The following TTLL7 variants were observed in gnomAD, a reference collection of about 807,000 sequenced individuals.
The protein encoded by TTLL7 is tubulin tyrosine ligase like 7.
A neutral mutation model predicts 120.2 loss-of-function variants in TTLL7; 53 were observed. That is an observed-to-expected ratio of 0.44 (90% confidence interval 0.35 to 0.55). The LOEUF (loss-of-function observed/expected upper bound fraction) is 0.55, where lower values mean the gene tolerates loss of function less well. Among genes scored for constraint, TTLL7 ranks in the 20% least tolerant of loss-of-function variants. The probability of loss-of-function intolerance (pLI) is 0.00; values close to 1 mark genes in which losing one functional copy is unlikely to be tolerated. For missense variants in TTLL7, 803 were observed against 1,054.7 expected (o/e 0.76, Z 3.31); for synonymous variants, 353 against 351.7 (o/e 1.00, Z -0.04).
chr1:83,933,147 C>T (rs930091412), intron 9 of TTLL7, among the ~76,000 whole-genome samples: 1 of 152,066 alleles, frequency 6.6e-6, no homozygotes, highest in East Asian at 1.9e-4. Flanking sequence ...GAGAAATTTA[C>T]CACCTGGGGT....
In TTLL7 at chr1:83,904,109, G is replaced by A. The variant is rs1355109009; in HGVS notation, c.2178C>T (p.Leu726=). Residue 726 remains leucine, a synonymous_variant, in exon 18 of 21, where the codon CTC becomes CTT. Coordinates refer to ENST00000260505, the MANE Select transcript of TTLL7 (RefSeq NM_024686.6). ...GTTGTTTTACAGAGTCCAATTTTAT[G>A]AGCCAATATGAAGCCACTTTGGTTT... ...YHKTKVASYW[L]IKLDSVKQRK... 5 of 1,612,080 alleles carry A rather than the reference G, an allele frequency of 3.1e-6. No homozygotes were observed. The highest frequency in any genetic ancestry group is 4.2e-6 in the Non-Finnish European group (5 of 1,178,940).
intron 19 of TTLL7, among the ~76,000 whole-genome samples, chr1:83,889,697 T>TA (rs1469609345): frequency 2.0e-5 from 3 of 152,046 alleles, no homozygotes; most frequent in Non-Finnish European, 4.4e-5. Context: ...CCTCCAAAAA[T>TA]ATTAGCACAA....
intron 8 of TTLL7, among the ~76,000 whole-genome samples, chr1:83,935,325 C>T (rs1387935614): frequency 2.0e-5 from 3 of 151,878 alleles, no homozygotes; most frequent in African/African-American, 7.3e-5. Flanking sequence ...ATCAACAGAC[C>T]CTGAATTACA....
intron 1 of TTLL7, among the ~76,000 whole-genome samples, chr1:83,976,918 T>A (rs574834954): frequency 7.9e-5 from 12 of 152,102 alleles, no homozygotes; most frequent in Non-Finnish European, 1.6e-4. Flanking sequence ...CAACCACTGA[T>A]TCTCTCTTAA....
intron 18 of TTLL7, among the ~76,000 whole-genome samples, chr1:83,893,515 G>A (rs1188189650): frequency 1.4e-5 from 2 of 144,744 alleles, no homozygotes; most frequent in African/African-American, 5.2e-5. Flanking sequence ...AAGATGAAAA[G>A]GGAAAAAGAC....
chr1:83,917,529 C>T, intron 14 of TTLL7, 75 bp downstream of exon 14: 1 of 1,105,730 alleles, frequency 9.0e-7, no homozygotes, highest in Non-Finnish European at 1.3e-6. Flanking sequence ...CAGCACCAGT[C>T]TTTCTTATAG....
intron 1 of TTLL7, among the ~76,000 whole-genome samples, chr1:83,994,285 T>C (rs1653281440): frequency 1.3e-5 from 2 of 152,216 alleles, no homozygotes; most frequent in Admixed American, 1.3e-4. Context: ...GGCACATTCA[T>C]CTGCCTTGGC....
intron 4 of TTLL7, 198 bp downstream of exon 4, chr1:83,949,667 G>C: frequency 1.8e-6 from 1 of 542,526 alleles, no homozygotes; most frequent in Non-Finnish European, 3.1e-6. Flanking sequence ...AAGATAGAAA[G>C]AGGTTAAAAC....
At position 83,952,085 on chromosome 1, in the gene TTLL7, C is replaced by G. The variant is rs184960828; in HGVS notation, c.25+102G>C. On this transcript the variant is annotated intron_variant, in intron 2 of 20. Coordinates refer to ENST00000260505, the MANE Select transcript of TTLL7 (RefSeq NM_024686.6). ...CAAGGTAAAATTACAAATCCTGGTA[C>G]TTTAAAAAGTCCCCAATTAATTTTT... 7.5e-4 allele frequency: 1,100 copies of G among 1,459,600 alleles called. 24 individuals carry two copies. The Admixed American group carries it at 0.016, about 21-fold the overall frequency. The allele number at this position is 1,459,600 out of a possible 1,614,324, so 90.4% of individuals were successfully genotyped here. A position where few individuals can be genotyped will look rare whatever the true frequency, so the allele number is the denominator to read the frequency against.
At chr1:83,983,534 C>A (rs1652168160) in intron 1 of TTLL7, among the ~76,000 whole-genome samples, 1 of 152,078 alleles carries the variant, frequency 6.6e-6, no homozygotes, top group Admixed American at 6.5e-5. Context: ...CTAGGAAATA[C>A]CCTTCCTAGC....
At chr1:83,949,315 GT>G (rs755429825) in intron 4 of TTLL7, 26 of 138,846 alleles carry the variant, frequency 1.9e-4, no homozygotes, top group East Asian at 6.1e-4. Context: ...TTTTTGTTTT[GT>G]TTTTTTTTTT....
chr1:83,866,781 T>C lies in TTLL7; in HGVS notation c.*3181A>G, dbSNP rs961974305. On this transcript the variant is annotated 3_prime_UTR_variant, in exon 21 of 21. Transcript: ENST00000260505. ...GTTGCTAGTAAAATTAATCAAAATATGAATAACAATAGTTTCTTCAATAGA... is the reference window on the plus strand; with the variant it reads ...GTTGCTAGTAAAATTAATCAAAATACGAATAACAATAGTTTCTTCAATAGA... 1.3e-5 allele frequency: 2 copies of C among 152,084 alleles called. No homozygotes were observed. Among genetic ancestry groups the C allele is most frequent in the Admixed American group, 1.3e-4 (2 of 15,264 alleles). The allele number at this position is 152,084 out of a possible 1,614,324, so 9.4% of individuals were successfully genotyped here.
At chr1:83,885,579 T>C (rs1248905789) in intron 19 of TTLL7, among the ~76,000 whole-genome samples, 1 of 152,050 alleles carries the variant, frequency 6.6e-6, no homozygotes, top group Non-Finnish European at 1.5e-5. Flanking sequence ...TATTTACCAC[T>C]ACTAGCCAAG....
intron 7 of TTLL7, among the ~76,000 whole-genome samples, chr1:83,938,806 T>C (rs1443731154): frequency 6.6e-6 from 1 of 152,226 alleles, no homozygotes; most frequent in Non-Finnish European, 1.5e-5. Flanking sequence ...CTATCTTTAA[T>C]TCCTACCCTC....
At chr1:83,907,395 A>T (rs1657281639) in intron 16 of TTLL7, 61 bp downstream of exon 16, 3 of 1,451,368 alleles carry the variant, frequency 2.1e-6, no homozygotes, top group Non-Finnish European at 2.9e-6. Flanking sequence ...CTCTCATCTG[A>T]TCCCCTTTGC....
chr1:83,992,451 AAC>A (rs1291880600), intron 1 of TTLL7, among the ~76,000 whole-genome samples: 10 of 152,256 alleles, frequency 6.6e-5, no homozygotes, highest in South Asian at 6.2e-4. Flanking sequence ...AGAAAAAAAA[AAC>A]AAAAGGACTA....
intron 18 of TTLL7, among the ~76,000 whole-genome samples, chr1:83,892,247 T>TAC (rs1491316177): frequency 6.5e-5 from 9 of 138,170 alleles, no homozygotes; most frequent in African/African-American, 2.5e-4. Context: ...TGAATATATA[T>TAC]GTATATATGA....
intron 1 of TTLL7, among the ~76,000 whole-genome samples, chr1:83,992,350 G>A (rs1355533590): frequency 1.3e-5 from 2 of 151,854 alleles, no homozygotes; most frequent in Non-Finnish European, 2.9e-5. Flanking sequence ...AACTAAGGGG[G>A]AAGCTGATGT....
rs1011582586 is a variant in TTLL7 at position 83,883,020 on chromosome 1, T to C, written c.2486A>G (p.Tyr829Cys). 3 of 1,612,828 alleles carry C rather than the reference T, an allele frequency of 1.9e-6. No individual in the cohort carries two copies. The highest frequency in any genetic ancestry group is 2.7e-5 in the African/African-American group (2 of 74,914). The change falls in exon 20 of 21, where the codon TAT (tyrosine) becomes TGT (cysteine). Residue 829 changes from tyrosine (Y) to cysteine (C), a missense_variant. This residue lies in a region of TTLL7 where 388 missense variants were observed against 450.4 expected (regional missense o/e 0.86). Transcript: ENST00000260505. ...AAGTGATCCTCTTTTGTCAGTTGCATATTTGTAAACCACTAGCAGGCACTG... is the reference window on the plus strand; with the variant it reads ...AAGTGATCCTCTTTTGTCAGTTGCACATTTGTAAACCACTAGCAGGCACTG... ...CKQCLLVVYK[Y>C]ATDKRGSLSG...
Sources: gnomAD v4.1 joint callset for allele counts (sites outside exome capture counted in the v4.1 genomes callset) on GRCh38, gnomAD v4.1.1 for gene constraint, gnomAD v4.1.1 regional missense constraint, MANE v1.5 for transcripts, NCBI Gene and HGNC (gene_info 2026-07-23, HGNC 2026-07-21) for gene names.